DENND5A: variants seen among roughly 807,000 people sequenced by gnomAD.
DENND5A encodes the protein DENN domain-containing protein 5A.
A neutral mutation model predicts 140.3 loss-of-function variants in DENND5A; 64 were observed. The observed-to-expected ratio is 0.46, with a 90% CI of 0.37 to 0.56. The LOEUF (loss-of-function observed/expected upper bound fraction) is 0.56. DENND5A is among the 20% of genes least tolerant of loss of function. DENND5A has a pLI of 0.00. For synonymous variants in DENND5A, 605 were observed against 607.7 expected (o/e 1.00, Z 0.07); for missense variants, 1,292 against 1,593.8 (o/e 0.81, Z 3.22).
Position 9,139,719 on chromosome 11 carries a change from C to A in DENND5A, c.3816G>T (p.Glu1272Asp), listed in dbSNP as rs753394108. 1.2e-6 allele frequency: 2 copies of A among 1,614,052 alleles called. No individual in the cohort carries two copies. Among genetic ancestry groups the A allele is most frequent in the Admixed American group, 3.3e-5 (2 of 60,010 alleles). ...SLIRVLQTLQ[E>D]FNITLETSLV... ...GGGACGTCTCCAGCGTGATGTTGAA[C>A]TCCTGCAATGTCTGCAGCACACGAA... The change falls in exon 23 of 23, where the codon GAG (glutamate) becomes GAT (aspartate). Residue 1272 changes from glutamate (E) to aspartate (D), a missense_variant. Around this residue, in one of 4 missense-constraint regions of DENND5A, gnomAD observed 498 missense variants for 689.7 expected, o/e 0.72. Coordinates refer to ENST00000328194, the MANE Select transcript of DENND5A (RefSeq NM_015213.4).
At chr11:9,195,237 C>T (rs1474810695) in intron 4 of DENND5A, among the ~76,000 whole-genome samples, 1 of 151,814 alleles carries the variant, frequency 6.6e-6, no homozygotes, top group Non-Finnish European at 1.5e-5. Flanking sequence ...TGCGCCACCA[C>T]CCGAGCTAAT....
chr11:9,168,589 T>C (rs531093786), intron 10 of DENND5A, among the ~76,000 whole-genome samples: 44 of 152,118 alleles, frequency 2.9e-4, no homozygotes, highest in Non-Finnish European at 5.9e-4. Context: ...AGACAGACTT[T>C]TAAAATAACA....
At chr11:9,167,549 G>T (rs141221495) in intron 10 of DENND5A, among the ~76,000 whole-genome samples, 1 of 151,008 alleles carries the variant, frequency 6.6e-6, no homozygotes, top group East Asian at 1.9e-4. Flanking sequence ...GCACTGAGGC[G>T]AGTGGATCAC....
In DENND5A at chr11:9,141,864, CCCTG is replaced by C. The variant is rs2136109826; in HGVS notation, c.3680+72_3680+75del. 3.5e-6 allele frequency: 5 copies of C among 1,414,108 alleles called. No individual in the cohort carries two copies. The Middle Eastern group carries it at 1.1e-3, about 298-fold the overall frequency. The allele number at this position is 1,414,108 out of a possible 1,614,324, so 87.6% of individuals were successfully genotyped here. On this transcript the variant is annotated intron_variant, in intron 22 of 22. Coordinates refer to ENST00000328194, the MANE Select transcript of DENND5A (RefSeq NM_015213.4). ...GGGCACCTGATGAGCCATTCCTCAC[CCCTG>C]CACTGCACCAGGCCTCCAACACCAC...
At chr11:9,151,703 A>G (rs991168623) in intron 13 of DENND5A, among the ~76,000 whole-genome samples, 1 of 152,222 alleles carries the variant, frequency 6.6e-6, no homozygotes, top group Non-Finnish European at 1.5e-5. Flanking sequence ...CTAGCCTGGA[A>G]AGGACACTGT....
intron 1 of DENND5A, among the ~76,000 whole-genome samples, chr11:9,254,204 T>C (rs1327526815): frequency 1.3e-5 from 2 of 149,114 alleles, no homozygotes; most frequent in Non-Finnish European, 3.0e-5. Flanking sequence ...CACTTGCCTG[T>C]AGTCCCAAGT....
At chr11:9,210,800 C>T (rs955203309) in intron 1 of DENND5A, among the ~76,000 whole-genome samples, 1 of 152,208 alleles carries the variant, frequency 6.6e-6, no homozygotes, top group Non-Finnish European at 1.5e-5. Context: ...CCCTTACAGG[C>T]ATGCTCCACC....
intron 1 of DENND5A, among the ~76,000 whole-genome samples, chr11:9,252,124 C>T (rs564878536): frequency 3.7e-4 from 55 of 149,872 alleles, no homozygotes; most frequent in African/African-American, 1.3e-3. Context: ...ATGGTGAAAC[C>T]GCATGTCTAC....
At chr11:9,239,561 G>C (rs762063460) in intron 1 of DENND5A, among the ~76,000 whole-genome samples, 3 of 151,888 alleles carry the variant, frequency 2.0e-5, no homozygotes, top group Non-Finnish European at 4.4e-5. Flanking sequence ...CGAAATCCTG[G>C]GCTCAAGCCA....
chr11:9,181,166 G>C, intron 5 of DENND5A, 82 bp from the exon 6 acceptor site: 1 of 1,294,106 alleles, frequency 7.7e-7, no homozygotes, highest in Non-Finnish European at 1.1e-6. Context: ...GTGAACAAGA[G>C]GGCAAAAACA....
intron 1 of DENND5A, among the ~76,000 whole-genome samples, chr11:9,246,631 A>G (rs1165655665): frequency 1.3e-5 from 2 of 151,070 alleles, no homozygotes; most frequent in Non-Finnish European, 3.0e-5. Context: ...AAAAAAAAAA[A>G]GGAAGTAAAC....
intron 21 of DENND5A, among the ~76,000 whole-genome samples, 171 bp from the exon 22 acceptor site, chr11:9,142,279 T>A (rs752175626): frequency 6.6e-6 from 1 of 152,174 alleles, no homozygotes; most frequent in African/African-American, 2.4e-5. Flanking sequence ...AGCTTCCCTA[T>A]CCTTATTTTT....
rs148665200 is a variant in DENND5A, at chr11:9,215,150, T to A, written c.110-7518A>T. 3.3e-3 allele frequency among the ~76,000 whole-genome samples: 505 copies of A among 152,328 alleles called. 2 individuals are homozygous for A. Among genetic ancestry groups the A allele is most frequent in the African/African-American group, 0.012 (483 of 41,584 alleles). The stretch of plus-strand genomic sequence containing the variant: ...TTTCTCAAGGCAGATTTGTTCACTC[T>A]CTTTCTCAATACATTTACTTTGTCA... On this transcript the variant is annotated intron_variant, in intron 1 of 22. Transcript: ENST00000328194.
Position 9,165,948 on chromosome 11 carries a change from C to G in DENND5A, c.2171G>C (p.Arg724Thr), listed in dbSNP as rs1848176669. 1 of 1,614,174 alleles carries G rather than the reference C, an allele frequency of 6.2e-7. No homozygotes were observed. The change falls in exon 11 of 23, where the codon AGG (arginine) becomes ACG (threonine). Residue 724 changes from arginine (R) to threonine (T), a missense_variant. Around this residue, in one of 4 missense-constraint regions of DENND5A, gnomAD observed 199 missense variants for 189.1 expected, o/e 1.05. Transcript: ENST00000328194. Reference protein sequence around the residue: ...DQREKYIQEARTMGSTIRQPK... With the variant: ...DQREKYIQEATTMGSTIRQPK... ...CTGGCGGATAGTGCTGCCCATAGTC[C>G]TGGCTTCCTGGATGTACTTCTATAT...
At chr11:9,235,450 G>A (rs1237219766) in intron 1 of DENND5A, among the ~76,000 whole-genome samples, 2 of 152,098 alleles carry the variant, frequency 1.3e-5, no homozygotes, top group African/African-American at 4.8e-5. Context: ...CTGGAGGTCA[G>A]AAGTTCGGGA....
chr11:9,144,220 G>A lies in DENND5A; in HGVS notation c.3181C>T (p.Leu1061=). 6.2e-7 allele frequency: 1 copy of A among 1,614,144 alleles called. No individual in the cohort carries two copies. Among genetic ancestry groups the A allele is most frequent in the Non-Finnish European group, 8.5e-7 (1 of 1,180,028 alleles). The change falls in exon 19 of 23, where the codon CTA becomes TTA. Residue 1061 remains leucine (L), a synonymous_variant. Coordinates refer to ENST00000328194, the MANE Select transcript of DENND5A (RefSeq NM_015213.4). ...GMDDGSLERI[L]VGELLTSQPE... The stretch of plus-strand genomic sequence containing the variant: ...TGGGATGTGAGCAGCTCCCCAACTA[G>A]GATCCGCTCCAGGCTTCCATCATCC...
At chr11:9,213,923 T>C (rs1849983674) in intron 1 of DENND5A, among the ~76,000 whole-genome samples, 2 of 151,854 alleles carry the variant, frequency 1.3e-5, no homozygotes, top group Admixed American at 6.6e-5. Flanking sequence ...TCCTATAAGG[T>C]CTATTTCATA....
chr11:9,191,532 A>G (rs1018143894), intron 5 of DENND5A, among the ~76,000 whole-genome samples: 9 of 152,100 alleles, frequency 5.9e-5, no homozygotes, highest in South Asian at 2.1e-4. Context: ...GAGCCACCGC[A>G]CCCGGCCAAC....
rs142461946 is a variant in DENND5A, at chr11:9,204,205, A to C, written c.404T>G (p.Leu135Arg). 4.9e-5 allele frequency: 79 copies of C among 1,614,098 alleles called. No homozygotes were observed. In the African/African-American group the frequency reaches 8.8e-4, roughly 18 times the overall value. The stretch of plus-strand genomic sequence containing the variant: ...GCTAGTCACCTCTTCATAAAATGTG[A>C]GGGCAAACCCAAATGTCCGAGAGCC... ...EDGSRTFGFALTFYEEVTSKQ... is the reference protein window; with the variant it reads ...EDGSRTFGFARTFYEEVTSKQ... The change falls in exon 4 of 23, where the codon CTC (leucine) becomes CGC (arginine). Residue 135 changes from leucine to arginine, a missense_variant. This residue lies in a region of DENND5A where 566 missense variants were observed against 650.4 expected (regional missense o/e 0.87). Coordinates refer to ENST00000328194, the MANE Select transcript of DENND5A (RefSeq NM_015213.4).
Sources: allele counts gnomAD v4.1 joint callset (sites outside exome capture counted in the v4.1 genomes callset), GRCh38; gene constraint gnomAD v4.1.1; regional missense constraint gnomAD v4.1.1; transcripts MANE v1.5; gene names NCBI Gene and HGNC (gene_info 2026-07-23, HGNC 2026-07-21).